Variants in EHBP1 observed in about 807,000 individuals in gnomAD.
EHBP1 encodes EH domain binding protein 1, also known as EH domain-binding protein 1.
A neutral mutation model predicts 144.0 loss-of-function variants in EHBP1; 55 were observed. That is an observed-to-expected ratio of 0.38 (90% CI 0.31 to 0.48). The LOEUF (loss-of-function observed/expected upper bound fraction) is 0.48, where lower values mean the gene tolerates loss of function less well. Among genes scored for constraint, EHBP1 ranks in the 20% least tolerant of loss-of-function variants. The probability of loss-of-function intolerance (pLI) is 0.98; values close to 1 mark genes in which losing one functional copy is unlikely to be tolerated. For missense variants in EHBP1, 1,200 were observed against 1,364.2 expected, an observed-to-expected ratio of 0.88 and a Z score of 1.90; for synonymous variants, 469 against 472.7, an observed-to-expected ratio of 0.99 and a Z score of 0.10.
At chr2:62,800,056 G>A (rs539694773) in intron 5 of EHBP1, among the ~76,000 whole-genome samples, 1 of 152,172 alleles carries the variant, frequency 6.6e-6, no homozygotes, top group African/African-American at 2.4e-5. Context: ...AAAAACTCAA[G>A]TATTCAATAA....
At chr2:63,022,029 G>A (rs577596081) in intron 19 of EHBP1, among the ~76,000 whole-genome samples, 1 of 152,132 alleles carries the variant, frequency 6.6e-6, no homozygotes, top group Non-Finnish European at 1.5e-5. Context: ...GCCTCCCAAA[G>A]TGCTGGCATT....
intron 10 of EHBP1, chr2:62,940,085 A>G: frequency 2.3e-6 from 1 of 435,968 alleles, no homozygotes; most frequent in South Asian, 1.7e-5. Context: ...AAGTGAAAGG[A>G]CCAGTTGGGA....
intron 5 of EHBP1, among the ~76,000 whole-genome samples, chr2:62,810,748 A>T (rs1298170284): frequency 3.9e-5 from 6 of 152,200 alleles, no homozygotes; most frequent in Non-Finnish European, 4.4e-5. Context: ...AGATTATTAT[A>T]TTTCTCTCAG....
chr2:62,742,408 T>C (rs1016711424), intron 2 of EHBP1, among the ~76,000 whole-genome samples: 12 of 152,142 alleles, frequency 7.9e-5, no homozygotes, highest in African/African-American at 2.7e-4. Context: ...GGTCTACTTT[T>C]ATAAATTCAT....
intron 10 of EHBP1, among the ~76,000 whole-genome samples, chr2:62,929,272 T>G (rs1231165565): frequency 2.0e-5 from 3 of 152,076 alleles, no homozygotes; most frequent in Non-Finnish European, 4.4e-5. Context: ...AGACAAACAC[T>G]ACAAGAAAAC....
chr2:62,963,316 C>G (rs900881414), intron 14 of EHBP1, among the ~76,000 whole-genome samples: 29 of 152,160 alleles, frequency 1.9e-4, no homozygotes, highest in African/African-American at 7.0e-4. Context: ...ATTTAAATGG[C>G]ACTAGTCTGT....
At chr2:62,683,026 G>A (rs2033586287) in intron 1 of EHBP1, among the ~76,000 whole-genome samples, 1 of 152,154 alleles carries the variant, frequency 6.6e-6, no homozygotes, top group African/African-American at 2.4e-5. Flanking sequence ...TCAGTTGCAA[G>A]CAGCAGAAAA....
intron 7 of EHBP1, among the ~76,000 whole-genome samples, chr2:62,839,408 A>T (rs563492823): frequency 7.2e-6 from 1 of 138,272 alleles, no homozygotes; most frequent in East Asian, 2.1e-4. Flanking sequence ...AAAAACTGGA[A>T]GCATTCCCTT....
At chr2:62,760,632 C>T (rs527934305) in intron 3 of EHBP1, among the ~76,000 whole-genome samples, 2 of 152,254 alleles carry the variant, frequency 1.3e-5, no homozygotes, top group East Asian at 1.9e-4. Context: ...AGACGGTCTC[C>T]GTATTCCCTG....
intron 19 of EHBP1, among the ~76,000 whole-genome samples, chr2:63,030,435 A>C (rs1204055176): frequency 2.0e-5 from 3 of 152,106 alleles, no homozygotes; most frequent in Non-Finnish European, 4.4e-5. Flanking sequence ...ACACATTTAA[A>C]AATCACATCT....
At chr2:62,827,345 A>G (rs188114913) in intron 6 of EHBP1, among the ~76,000 whole-genome samples, 66 of 152,332 alleles carry the variant, frequency 4.3e-4, no homozygotes, top group African/African-American at 1.5e-3. Context: ...GTAATTAAAA[A>G]TAAAGATCTT....
intron 2 of EHBP1, among the ~76,000 whole-genome samples, chr2:62,715,591 A>T (rs969180742): frequency 6.6e-6 from 1 of 152,214 alleles, no homozygotes; most frequent in Non-Finnish European, 1.5e-5. Flanking sequence ...TCAATGTAAT[A>T]TGAGGGGAAT....
chr2:62,955,102 A>G (rs1380924747), intron 13 of EHBP1, among the ~76,000 whole-genome samples: 1 of 152,106 alleles, frequency 6.6e-6, no homozygotes, highest in Non-Finnish European at 1.5e-5. Flanking sequence ...CAGATATTTA[A>G]TATTTATCAA....
At chr2:62,971,347 C>T (rs952665326) in intron 14 of EHBP1, among the ~76,000 whole-genome samples, 3 of 151,660 alleles carry the variant, frequency 2.0e-5, no homozygotes, top group East Asian at 1.9e-4. Context: ...AGGTTGGGAA[C>T]GTAAGTTTTA....
chr2:62,788,174 T>C (rs1293230127), intron 5 of EHBP1, among the ~76,000 whole-genome samples: 1 of 152,220 alleles, frequency 6.6e-6, no homozygotes. Context: ...AATTCTGTAA[T>C]TTTTTCTAAC....
chr2:62,763,997 G>A (rs551060312), intron 3 of EHBP1, among the ~76,000 whole-genome samples: 1 of 151,976 alleles, frequency 6.6e-6, no homozygotes, highest in Non-Finnish European at 1.5e-5. Flanking sequence ...ATGTTCTTCT[G>A]TGTGTATGAG....
At chr2:62,874,585 G>T (rs1045890811) in intron 10 of EHBP1, 53 bp downstream of exon 10, 1 of 1,423,262 alleles carries the variant, frequency 7.0e-7, no homozygotes, top group Non-Finnish European at 9.5e-7. Flanking sequence ...TTTTCTCCCC[G>T]TGCCATTTAA....
intron 1 of EHBP1, among the ~76,000 whole-genome samples, chr2:62,688,630 C>G (rs1429527243): frequency 6.6e-6 from 1 of 152,078 alleles, no homozygotes; most frequent in Non-Finnish European, 1.5e-5. Context: ...CCCTCTTTCT[C>G]TTATGCTTCC....
At chr2:62,769,361 A>G (rs1161397307) in intron 4 of EHBP1, among the ~76,000 whole-genome samples, 1 of 152,196 alleles carries the variant, frequency 6.6e-6, no homozygotes, top group East Asian at 1.9e-4. Flanking sequence ...CTATACACCA[A>G]CAAAAGCCAA....
Sources: gnomAD v4.1 joint callset for allele counts (sites outside exome capture counted in the v4.1 genomes callset) on GRCh38, gnomAD v4.1.1 for gene constraint, MANE v1.5 for transcripts, NCBI Gene and HGNC (gene_info 2026-07-23, HGNC 2026-07-21) for gene names.